The following SMPD3 variants were observed in gnomAD, a reference collection of about 807,000 sequenced individuals.
SMPD3 encodes the protein nSMase-2.
A neutral mutation model predicts 55.7 loss-of-function variants in SMPD3; 21 were observed. The ratio of observed to expected loss-of-function variants is 0.38; its 90% CI spans 0.27 to 0.54. The LOEUF is 0.54. Ranked by LOEUF, SMPD3 falls within the 20% of genes least tolerant of loss-of-function variation. SMPD3 has a pLI of 0.80. For missense variants in SMPD3, 842 were observed against 899.6 expected, an observed-to-expected ratio of 0.94 and a Z score of 0.82; for synonymous variants, 457 against 404.3, an observed-to-expected ratio of 1.13 and a Z score of -1.56.
intron 1 of SMPD3, among the ~76,000 whole-genome samples, chr16:68,396,847 TA>T (rs1386991048): frequency 3.9e-5 from 6 of 152,214 alleles, no homozygotes; most frequent in Non-Finnish European, 8.8e-5. Flanking sequence ...ACTTGAAATT[TA>T]AAAGCTGTGT....
At chr16:68,366,626 G>A (rs2089487080) in intron 3 of SMPD3, among the ~76,000 whole-genome samples, 1 of 152,238 alleles carries the variant, frequency 6.6e-6, no homozygotes, top group Admixed American at 6.5e-5. Flanking sequence ...AGTACTTTGG[G>A]AGGCCGAGGC....
intron 1 of SMPD3, among the ~76,000 whole-genome samples, chr16:68,416,362 G>A (rs762972716): frequency 7.9e-5 from 12 of 152,022 alleles, no homozygotes; most frequent in Non-Finnish European, 1.6e-4. Context: ...TGGGGCCTCC[G>A]ACCCTGAGTT....
chr16:68,391,658 G>T (rs1381582396), intron 1 of SMPD3, among the ~76,000 whole-genome samples: 1 of 152,198 alleles, frequency 6.6e-6, no homozygotes, highest in African/African-American at 2.4e-5. Context: ...GAAGGCCAGT[G>T]CAGTAGGCAA....
At chr16:68,379,767 C>G (rs955686892) in intron 2 of SMPD3, among the ~76,000 whole-genome samples, 6 of 152,200 alleles carry the variant, frequency 3.9e-5, no homozygotes, top group Non-Finnish European at 7.3e-5. Context: ...ATTACTGCAC[C>G]GTGTGATTTC....
chr16:68,373,405 C>T (rs578220174), intron 2 of SMPD3, among the ~76,000 whole-genome samples: 1 of 152,208 alleles, frequency 6.6e-6, no homozygotes, highest in Non-Finnish European at 1.5e-5. Context: ...GTGATCACCC[C>T]GTCGGGGAGC....
rs1473397309 is a variant in SMPD3 at position 68,386,643 on chromosome 16, G to A, written c.-252C>T. The A allele has an allele frequency of 6.7e-6, 1 of 148,608 alleles. No homozygotes were observed. The highest frequency in any genetic ancestry group is 2.5e-5 in the African/African-American group (1 of 40,542). The allele number at this position is 148,608 out of a possible 1,614,324, so 9.2% of individuals were successfully genotyped here. On this transcript the variant is annotated 5_prime_UTR_variant, in exon 2 of 9. Transcript: ENST00000219334. ...CCTTGTTGTCCTTCTCTCTGAAGAAGAGCTGTCACCGCAGACCTGAAAGGA... is the reference window on the plus strand; with the variant it reads ...CCTTGTTGTCCTTCTCTCTGAAGAAAAGCTGTCACCGCAGACCTGAAAGGA...
chr16:68,377,733 C>T (rs1225044684), intron 2 of SMPD3, among the ~76,000 whole-genome samples: 3 of 152,264 alleles, frequency 2.0e-5, no homozygotes, highest in East Asian at 3.8e-4. Context: ...GACAGTCATC[C>T]CATTTCCCAA....
intron 1 of SMPD3, among the ~76,000 whole-genome samples, chr16:68,442,877 C>T (rs944024547): frequency 6.6e-6 from 1 of 152,176 alleles, no homozygotes; most frequent in African/African-American, 2.4e-5. Flanking sequence ...CAAGCGCCCT[C>T]GGGAAAAGCA....
chr16:68,372,063 G>T lies in SMPD3; in HGVS notation c.119C>A (p.Pro40His). The T allele has an allele frequency of 1.2e-6, 2 of 1,608,380 alleles. No homozygotes were observed. The highest frequency in any genetic ancestry group is 2.2e-5 in the South Asian group (2 of 90,100). ...CCGCTGGCGCTTCTCGTAGGTGGTG[G>T]GTATGAAGGAGGCAGCGAGCCGGTC... is the stretch of plus-strand genomic sequence containing the variant. The part of the protein sequence containing the change: ...LVDRLAASFI[P>H]TTYEKRQRAD... Residue 40 changes from proline to histidine, a missense_variant, in exon 3 of 9, where the codon CCC (proline) becomes CAC (histidine). This residue lies in a region of SMPD3 where 193 missense variants were observed against 256.0 expected (regional missense o/e 0.75). Coordinates refer to ENST00000219334, the MANE Select transcript of SMPD3 (RefSeq NM_018667.4).
chr16:68,435,833 T>G (rs983048027), intron 1 of SMPD3, among the ~76,000 whole-genome samples: 1 of 152,250 alleles, frequency 6.6e-6, no homozygotes. Context: ...TGGTCAGTGC[T>G]ATGGCAGGGC....
intron 2 of SMPD3, among the ~76,000 whole-genome samples, chr16:68,379,169 T>C (rs2089891784): frequency 6.6e-6 from 1 of 152,190 alleles, no homozygotes. Flanking sequence ...CTGGGAAAAG[T>C]GGAGGCTCCC....
chr16:68,362,236 T>G (rs2089314395), intron 7 of SMPD3, among the ~76,000 whole-genome samples: 1 of 152,194 alleles, frequency 6.6e-6, no homozygotes, highest in Non-Finnish European at 1.5e-5. Context: ...GTGACTCTGC[T>G]TATGTTACCA....
chr16:68,359,419 G>T lies in SMPD3; in HGVS notation c.*1787C>A, dbSNP rs377138370. 3 of 152,734 alleles carry T rather than the reference G, an allele frequency of 2.0e-5. No individual in the cohort carries two copies. The East Asian group carries it at 5.7e-4, about 29-fold the overall frequency. The allele number at this position is 152,734 out of a possible 1,614,324, so 9.5% of individuals were successfully genotyped here. ...GGGCAGGGCTTGGGCCCGGGCAGAC[G>T]GTGCTTCCCAGGCCAGGTGAGTTCA... is the stretch of plus-strand genomic sequence containing the variant. On this transcript the variant is annotated 3_prime_UTR_variant, in exon 9 of 9. Coordinates refer to ENST00000219334, the MANE Select transcript of SMPD3 (RefSeq NM_018667.4).
At chr16:68,367,770 C>T (rs1222395069) in intron 3 of SMPD3, 4 of 152,238 alleles carry the variant, frequency 2.6e-5, no homozygotes, top group East Asian at 1.9e-4. Context: ...CCTTGGGAGC[C>T]GCAGAGCCTT....
intron 1 of SMPD3, among the ~76,000 whole-genome samples, chr16:68,422,382 G>A (rs2090401565): frequency 1.3e-5 from 2 of 152,148 alleles, no homozygotes; most frequent in Non-Finnish European, 2.9e-5. Flanking sequence ...TGTTGGGCCT[G>A]GTTCTCATTT....
intron 2 of SMPD3, among the ~76,000 whole-genome samples, chr16:68,384,495 A>C (rs545055272): frequency 1.3e-5 from 2 of 152,320 alleles, no homozygotes; most frequent in African/African-American, 4.8e-5. Flanking sequence ...AGATCTATCA[A>C]GCTAAAAACA....
At chr16:68,412,705 G>A (rs2090311266) in intron 1 of SMPD3, among the ~76,000 whole-genome samples, 1 of 152,220 alleles carries the variant, frequency 6.6e-6, no homozygotes, top group African/African-American at 2.4e-5. Context: ...AATCAGCCTG[G>A]AAAGCCTGCC....
intron 1 of SMPD3, among the ~76,000 whole-genome samples, chr16:68,389,219 TG>T (rs1392376712): frequency 6.6e-6 from 1 of 152,094 alleles, no homozygotes; most frequent in Non-Finnish European, 1.5e-5. Flanking sequence ...GTGTGGAAAG[TG>T]GGCCGTTTAC....
chr16:68,372,526 G>T (rs2047818444), intron 2 of SMPD3, 139 bp from the exon 3 acceptor site: 1 of 394,260 alleles, frequency 2.5e-6, no homozygotes, highest in South Asian at 2.7e-5. Context: ...GCTGGAGCTG[G>T]CAGGCTCAGC....
Sources: gnomAD v4.1 joint callset for allele counts (sites outside exome capture counted in the v4.1 genomes callset) on GRCh38, gnomAD v4.1.1 for gene constraint, gnomAD v4.1.1 regional missense constraint, MANE v1.5 for transcripts, NCBI Gene and HGNC (gene_info 2026-07-23, HGNC 2026-07-21) for gene names.